Variants in C6orf141 observed in about 807,000 individuals in gnomAD.
The protein encoded by C6orf141 is chromosome 6 open reading frame 141.
For synonymous variants in C6orf141, 164 were observed against 140.5 expected (o/e 1.17, Z -1.18); for missense variants, 361 against 335.8 (o/e 1.07, Z -0.59).
rs1158336244 is a variant in C6orf141 at position 49,551,509 on chromosome 6, C to T, written c.717C>T (p.Leu239=). The change falls in exon 1 of 1, where the codon CTC becomes CTT. Residue 239 remains leucine, a synonymous_variant. Coordinates refer to ENST00000529246, the MANE Select transcript of C6orf141 (RefSeq NM_001145652.2). ...TTTCACCGTCTCCAGGGACTTGGCT[C>T]GAGGAAATTAAACTCTAATGAGTAG... ...RRVSPSPGTW[L]EEIKL 4.5e-6 allele frequency: 7 copies of T among 1,550,936 alleles called. No homozygotes were observed. The highest frequency in any genetic ancestry group is 6.1e-6 in the Non-Finnish European group (7 of 1,146,974).
downstream of C6orf141, among the ~76,000 whole-genome samples, chr6:49,553,652 A>G (rs1054966723): frequency 5.9e-5 from 9 of 152,140 alleles, no homozygotes; most frequent in African/African-American, 1.9e-4. Context: ...TCTGGCGTTC[A>G]GCTGCTTGGG....
Position 49,551,456 on chromosome 6 carries a change from T to C in C6orf141, c.664T>C (p.Ser222Pro), listed in dbSNP as rs41273692. The change falls in exon 1 of 1, where the codon TCC becomes CCC. Residue 222 changes from serine to proline, a missense_variant. Coordinates refer to ENST00000529246, the MANE Select transcript of C6orf141 (RefSeq NM_001145652.2). ...SRALQARTGASRVHAAGRRVS... is the reference protein window; with the variant it reads ...SRALQARTGAPRVHAAGRRVS... ...GGCTCTCCAGGCACGAACAGGGGCA[T>C]CCCGCGTCCACGCCGCGGGGAGGAG... 44,769 of 1,551,350 alleles carry C rather than the reference T, an allele frequency of 0.029. 1,388 individuals are homozygous for C. The highest frequency in any genetic ancestry group is 0.15 in the African/African-American group (11,300 of 73,074).
rs1250873889 is a variant in C6orf141, at chr6:49,551,181, A to C, written c.389A>C (p.Tyr130Ser). 1 of 1,551,400 alleles carries C rather than the reference A, an allele frequency of 6.4e-7. No homozygotes were observed. The highest frequency in any genetic ancestry group is 8.7e-7 in the Non-Finnish European group (1 of 1,146,900). ...GAGGACCACGGCGAGGAGCCCAACT[A>C]CCCTTCTGTCTTTCAACGACAAAAG... ...GGEDHGEEPNYPSVFQRQKRI... is the reference protein window; with the variant it reads ...GGEDHGEEPNSPSVFQRQKRI... Residue 130 changes from tyrosine (Y) to serine (S), a missense_variant, in exon 1 of 1, where the codon TAC becomes TCC. Tyr to Ser is a moderately radical substitution (Grantham distance 144). Coordinates refer to ENST00000529246, the MANE Select transcript of C6orf141 (RefSeq NM_001145652.2).
Position 49,550,824 on chromosome 6 carries a change from G to C in C6orf141, c.32G>C (p.Arg11Pro). MNDPFARMET[R>P]GPQGAANPMD... ...GACCCTTTTGCCAGGATGGAGACCCGGGGGCCTCAGGGAGCTGCGAATCCC... is the reference window on the plus strand; with the variant it reads ...GACCCTTTTGCCAGGATGGAGACCCCGGGGCCTCAGGGAGCTGCGAATCCC... Residue 11 changes from arginine (R) to proline (P), a missense_variant, in exon 1 of 1, where the codon CGG (arginine) becomes CCG (proline). Coordinates refer to ENST00000529246, the MANE Select transcript of C6orf141 (RefSeq NM_001145652.2). The C allele has an allele frequency of 6.8e-7, 1 of 1,473,162 alleles. No homozygotes were observed. The highest frequency in any genetic ancestry group is 9.0e-7 in the Non-Finnish European group (1 of 1,114,948). The allele number at this position is 1,473,162 out of a possible 1,614,324, so 91.3% of individuals were successfully genotyped here. A position where few individuals can be genotyped will look rare whatever the true frequency, so the allele number is the denominator to read the frequency against.
Position 49,551,036 on chromosome 6 carries a change from G to A in C6orf141, c.244G>A (p.Glu82Lys). The A allele has an allele frequency of 6.4e-7, 1 of 1,551,546 alleles. No homozygotes were observed. Among genetic ancestry groups the A allele is most frequent in the African/African-American group, 1.4e-5 (1 of 73,164 alleles). ...GPRAGEELDR[E>K]SWVREKVLFL... ...TCGGGCCGGGGAGGAATTGGACCGT[G>A]AGTCCTGGGTCAGAGAGAAAGTGCT... Residue 82 changes from glutamate (E) to lysine (K), a missense_variant, in exon 1 of 1, where the codon GAG (glutamate) becomes AAG (lysine). Coordinates refer to ENST00000529246, the MANE Select transcript of C6orf141 (RefSeq NM_001145652.2).
At chr6:49,559,866 C>T (rs1212509403) in intron 4 of C6orf141, among the ~76,000 whole-genome samples, 2 of 152,168 alleles carry the variant, frequency 1.3e-5, no homozygotes, top group Non-Finnish European at 2.9e-5. Flanking sequence ...ACTGGTGTCC[C>T]TGTGTCAGGA....
At chr6:49,558,741 T>G (rs1427189781) in intron 4 of C6orf141, among the ~76,000 whole-genome samples, 1 of 151,968 alleles carries the variant, frequency 6.6e-6, no homozygotes, top group Admixed American at 6.6e-5. Flanking sequence ...GGAGTCTTGC[T>G]CTGTTGCCCA....
chr6:49,561,026 G>GTCTCTCTCTCTC (rs36182126), intron 4 of C6orf141: 2 of 145,230 alleles, frequency 1.4e-5, no homozygotes, highest in Non-Finnish European at 3.0e-5. Flanking sequence ...CTCCATCACC[G>GTCTCTCTCTCTC]TCTCTCTCTC....
chr6:49,553,131 T>A (rs1427375408), downstream of C6orf141: 1 of 152,282 alleles, frequency 6.6e-6, no homozygotes, highest in Non-Finnish European at 1.5e-5. Flanking sequence ...GGTTTCTCCA[T>A]GTTGGCCAGG....
At chr6:49,555,011 A>G (rs6939453), downstream of C6orf141, 142,038 of 152,216 alleles carry the variant, frequency 0.93, 66,690 homozygotes, top group East Asian at 1. Flanking sequence ...GAATGACTGG[A>G]TCTTGGCTCT....
At chr6:49,556,939 A>C (rs947018856), downstream of C6orf141, among the ~76,000 whole-genome samples, 5 of 152,214 alleles carry the variant, frequency 3.3e-5, no homozygotes, top group Non-Finnish European at 7.4e-5. Context: ...ACCAAATTCA[A>C]ACTTACATTT....
Position 49,550,879 on chromosome 6 carries a change from C to T in C6orf141, c.87C>T (p.Leu29=), listed in dbSNP as rs1770273287. 1 of 1,517,352 alleles carries T rather than the reference C, an allele frequency of 6.6e-7. No individual in the cohort carries two copies. Among genetic ancestry groups the T allele is most frequent in the East Asian group, 2.5e-5 (1 of 40,530 alleles). The allele number at this position is 1,517,352 out of a possible 1,614,324, so 94.0% of individuals were successfully genotyped here. A position where few individuals can be genotyped will look rare whatever the true frequency, so the allele number is the denominator to read the frequency against. The part of the protein sequence containing the change: ...PMDSSRSLGD[L]GPFPREVGRG... ...ACTCCTCCCGCAGCCTGGGGGACCT[C>T]GGGCCTTTTCCGCGGGAGGTAGGGC... Residue 29 remains leucine, a synonymous_variant, in exon 1 of 1, where the codon CTC becomes CTT. Coordinates refer to ENST00000529246, the MANE Select transcript of C6orf141 (RefSeq NM_001145652.2).
At chr6:49,555,597 C>T (rs1771747990), downstream of C6orf141, among the ~76,000 whole-genome samples, 1 of 150,246 alleles carries the variant, frequency 6.7e-6, no homozygotes, top group African/African-American at 2.4e-5. Context: ...CAAGCTCTGC[C>T]TCCCGGGTTC....
chr6:49,554,996 T>C (rs567133588), downstream of C6orf141: 2 of 152,294 alleles, frequency 1.3e-5, no homozygotes, highest in Non-Finnish European at 2.9e-5. Flanking sequence ...CTAAGAAATC[T>C]CTGAGAATGA....
chr6:49,559,182 A>G (rs1402027132), intron 4 of C6orf141, among the ~76,000 whole-genome samples: 3 of 788 alleles, frequency 3.8e-3, no homozygotes, highest in African/African-American at 0.016. Flanking sequence ...ATATATATAT[A>G]TATATATATA....
Position 49,550,685 on chromosome 6 carries a change from GGCTGGGAGTCCGGAGCT to G in C6orf141, c.-105_-89del. 9.8e-7 allele frequency: 1 copy of G among 1,015,682 alleles called. No homozygotes were observed. Among genetic ancestry groups the G allele is most frequent in the Non-Finnish European group, 1.4e-6 (1 of 724,860 alleles). 62.9% of individuals were successfully genotyped at this position (1,015,682 alleles called of 1,614,324 possible). A position where few individuals can be genotyped will look rare whatever the true frequency, so the allele number is the denominator to read the frequency against. ...GCTGATCTAGTCTTCAGCTTTCACC[GGCTGGGAGTCCGGAGCT>G]GCAGCAGAGGCCACACCCAGGGCTT... On this transcript the variant is annotated 5_prime_UTR_variant, in exon 1 of 1. Transcript: ENST00000529246.
intron 4 of C6orf141, among the ~76,000 whole-genome samples, chr6:49,560,185 C>T (rs1019350170): frequency 4.0e-5 from 6 of 151,894 alleles, no homozygotes; most frequent in African/African-American, 9.7e-5. Context: ...TGCGGTGGTG[C>T]GCACCTGTAA....
In C6orf141 at chr6:49,551,973, A is replaced by G; in HGVS notation, c.*446A>G. On this transcript the variant is annotated 3_prime_UTR_variant, in exon 1 of 1. Coordinates refer to ENST00000529246, the MANE Select transcript of C6orf141 (RefSeq NM_001145652.2). ...GGCTTGTTTTAAAAGCCAAAAACAG[A>G]AAGTAAAAAGAAATGGGAAAGTAAA... is the stretch of plus-strand genomic sequence containing the variant. The G allele has an allele frequency of 9.9e-7, 1 of 1,008,468 alleles. No homozygotes were observed. Among genetic ancestry groups the G allele is most frequent in the Non-Finnish European group, 1.2e-6 (1 of 835,480 alleles). 62.5% of individuals were successfully genotyped at this position (1,008,468 alleles called of 1,614,324 possible).
chr6:49,555,657 C>T (rs1455423211), downstream of C6orf141, among the ~76,000 whole-genome samples: 2 of 152,082 alleles, frequency 1.3e-5, no homozygotes. Flanking sequence ...TACAGGCGCT[C>T]GCCATCACGC....
Sources: gnomAD v4.1 joint callset for allele counts (sites outside exome capture counted in the v4.1 genomes callset) on GRCh38, gnomAD v4.1.1 for gene constraint, MANE v1.5 for transcripts, NCBI Gene and HGNC (gene_info 2026-07-23, HGNC 2026-07-21) for gene names.